Variants in TENM2 observed in about 807,000 individuals in gnomAD.
TENM2 encodes teneurin transmembrane protein 2, also known as teneurin-2.
In TENM2, 52 loss-of-function variants were observed where a neutral mutation model predicts 245.2. The observed-to-expected ratio is 0.21, with a 90% CI of 0.17 to 0.27. The LOEUF is 0.27. Among genes scored for constraint, TENM2 ranks in the 10% least tolerant of loss-of-function variants. TENM2 has a pLI of 1.00. For synonymous variants in TENM2, 1,363 were observed against 1,438.9 expected (o/e 0.95, Z 1.19); for missense variants, 3,046 against 3,666.8 (o/e 0.83, Z 4.37).
intron 2 of TENM2, among the ~76,000 whole-genome samples, chr5:167,790,124 A>T (rs1355506121): frequency 1.3e-5 from 2 of 151,142 alleles, no homozygotes; most frequent in Non-Finnish European, 2.9e-5. Flanking sequence ...TTTTTTTTTT[A>T]AAGATATGAT....
At chr5:167,056,153 T>G in the TENM2 span, among the ~76,000 whole-genome samples, 718 of 152,142 alleles carry the variant, frequency 4.7e-3, 6 homozygotes, top group African/African-American at 0.017. Context: ...TTCTCTGAAT[T>G]TATTGATATG....
chr5:168,173,844 G>A (rs1019699880), intron 13 of TENM2, among the ~76,000 whole-genome samples: 4 of 152,158 alleles, frequency 2.6e-5, no homozygotes, highest in African/African-American at 7.2e-5. Flanking sequence ...TTCCAAAATA[G>A]GTACAGCTTG....
chr5:167,564,400 G>A (rs147884033), intron 2 of TENM2, among the ~76,000 whole-genome samples: 15 of 152,304 alleles, frequency 9.8e-5, no homozygotes, highest in African/African-American at 3.6e-4. Context: ...AGCATGTCAA[G>A]TCTTTAGAAA....
At chr5:167,885,191 T>C (rs7378687) in intron 3 of TENM2, among the ~76,000 whole-genome samples, 45,987 of 152,080 alleles carry the variant, frequency 0.3, 7,789 homozygotes, top group East Asian at 0.74. Flanking sequence ...TTTATCCTAT[T>C]GCATAGGTTG....
At chr5:168,099,907 C>G (rs185395050) in intron 9 of TENM2, among the ~76,000 whole-genome samples, 96 of 152,288 alleles carry the variant, frequency 6.3e-4, no homozygotes, top group Admixed American at 4.0e-3. Flanking sequence ...AAAAAGAAGG[C>G]AAGGTTTGTA....
At chr5:167,650,361 G>A (rs1754371161) in intron 2 of TENM2, among the ~76,000 whole-genome samples, 1 of 152,192 alleles carries the variant, frequency 6.6e-6, no homozygotes, top group African/African-American at 2.4e-5. Context: ...AAGGCTAAAG[G>A]AGAGGTAATA....
the TENM2 span, among the ~76,000 whole-genome samples, chr5:167,149,942 G>A: frequency 6.6e-6 from 1 of 152,114 alleles, no homozygotes; most frequent in African/African-American, 2.4e-5. Flanking sequence ...ATGGCACAAA[G>A]TGAAGGGAAG....
the TENM2 span, among the ~76,000 whole-genome samples, chr5:167,135,896 A>C: frequency 6.6e-6 from 1 of 152,226 alleles, no homozygotes; most frequent in Non-Finnish European, 1.5e-5. Context: ...GATTGAAAGT[A>C]GTATAAACAA....
At chr5:167,597,465 A>G (rs965467649) in intron 2 of TENM2, among the ~76,000 whole-genome samples, 17 of 152,138 alleles carry the variant, frequency 1.1e-4, no homozygotes, top group African/African-American at 4.1e-4. Context: ...TACAGGCGTG[A>G]GCCACCATGC....
chr5:167,711,455 A>G (rs1255997042), intron 2 of TENM2, among the ~76,000 whole-genome samples: 1 of 152,182 alleles, frequency 6.6e-6, no homozygotes, highest in African/African-American at 2.4e-5. Context: ...TTCTGCAGCT[A>G]GTCAATCTTC....
At chr5:167,899,812 T>A (rs183785654) in intron 3 of TENM2, among the ~76,000 whole-genome samples, 58 of 152,300 alleles carry the variant, frequency 3.8e-4, no homozygotes, top group African/African-American at 1.3e-3. Flanking sequence ...GCTGGGCACA[T>A]GACCAAGTGC....
chr5:167,890,848 A>G (rs1202217511), intron 3 of TENM2, among the ~76,000 whole-genome samples: 1 of 152,186 alleles, frequency 6.6e-6, no homozygotes, highest in Non-Finnish European at 1.5e-5. Context: ...CTCCATCTCC[A>G]TGTTGGCACA....
At chr5:167,752,139 G>C (rs1761997901) in intron 2 of TENM2, among the ~76,000 whole-genome samples, 1 of 151,870 alleles carries the variant, frequency 6.6e-6, no homozygotes, top group South Asian at 2.1e-4. Flanking sequence ...CTGTCACCCA[G>C]GCTGGAGTAC....
At chr5:168,256,770 A>G (rs1767709203) in intron 27 of TENM2, among the ~76,000 whole-genome samples, 2 of 151,552 alleles carry the variant, frequency 1.3e-5, no homozygotes, top group South Asian at 4.2e-4. Context: ...TGTAGATGCC[A>G]AGTCTTTCAA....
In TENM2 at chr5:167,755,032, G is replaced by A. The variant is rs190683638; in HGVS notation, c.503-120954G>A. On this transcript the variant is annotated intron_variant, in intron 2 of 28. Transcript: ENST00000518659. ...TAGAGGGAAACACAAAACGAAGAGC[G>A]GCCCACTCCCAGCTTACGCCGATGG... 1.8e-5 allele frequency: 29 copies of A among 1,588,746 alleles called. No homozygotes were observed. The East Asian group carries it at 4.0e-4, about 22-fold the overall frequency.
At chr5:168,011,581 C>T (rs1399780292) in intron 5 of TENM2, among the ~76,000 whole-genome samples, 2 of 152,080 alleles carry the variant, frequency 1.3e-5, no homozygotes, top group Non-Finnish European at 2.9e-5. Context: ...AAAATAAGAG[C>T]TTATATTGCC....
At chr5:167,186,467 T>G in the TENM2 span, among the ~76,000 whole-genome samples, 5 of 152,196 alleles carry the variant, frequency 3.3e-5, no homozygotes, top group Admixed American at 1.3e-4. Flanking sequence ...TGAGGCTTGC[T>G]GAAGCGAAGA....
chr5:167,533,671 G>A (rs547300936), intron 2 of TENM2, among the ~76,000 whole-genome samples: 1 of 152,162 alleles, frequency 6.6e-6, no homozygotes, highest in East Asian at 1.9e-4. Flanking sequence ...TGTTGCCCAG[G>A]CTGATCTCAA....
chr5:168,023,735 T>G (rs557109635), intron 5 of TENM2, among the ~76,000 whole-genome samples: 2 of 152,308 alleles, frequency 1.3e-5, no homozygotes, highest in East Asian at 3.9e-4. Context: ...AATTTGCCCT[T>G]GAGCACACAC....
Sources: allele counts gnomAD v4.1 joint callset (sites outside exome capture counted in the v4.1 genomes callset), GRCh38; gene constraint gnomAD v4.1.1; transcripts MANE v1.5; gene names NCBI Gene and HGNC (gene_info 2026-07-23, HGNC 2026-07-21).